Variants in SEMA5A observed in about 807,000 individuals in gnomAD.
SEMA5A encodes semaphorin-5A.
SEMA5A carries 55 observed loss-of-function variants against 135.5 expected under a neutral mutation model. The observed-to-expected ratio is 0.41, with a 90% confidence interval of 0.33 to 0.51. SEMA5A has a LOEUF of 0.51. Ranked by LOEUF, SEMA5A falls within the 20% of genes least tolerant of loss-of-function variation. The pLI, the probability that SEMA5A is intolerant of heterozygous loss-of-function variation, is 0.37. For synonymous variants in SEMA5A, 580 were observed against 546.5 expected, an observed-to-expected ratio of 1.06 and a Z score of -0.85; for missense variants, 1,290 against 1,419.9, an observed-to-expected ratio of 0.91 and a Z score of 1.47.
intron 5 of SEMA5A, among the ~76,000 whole-genome samples, chr5:9,267,411 A>G (rs1473735240): frequency 2.6e-5 from 4 of 152,138 alleles, no homozygotes; most frequent in Non-Finnish European, 5.9e-5. Context: ...ACTTTACTTT[A>G]GGAAGTTCTT....
At chr5:9,201,377 C>T (rs1340479686) in intron 9 of SEMA5A, among the ~76,000 whole-genome samples, 1 of 152,126 alleles carries the variant, frequency 6.6e-6, no homozygotes, top group South Asian at 2.1e-4. Flanking sequence ...CCCTGTCCCA[C>T]CCCCAGACAA....
At chr5:9,485,407 G>A (rs1181165034) in intron 1 of SEMA5A, among the ~76,000 whole-genome samples, 2 of 152,182 alleles carry the variant, frequency 1.3e-5, no homozygotes, top group African/African-American at 4.8e-5. Context: ...TGCAGCCTCA[G>A]AAATGAACTA....
At chr5:9,518,131 A>T (rs1323213841) in intron 1 of SEMA5A, 2 of 152,232 alleles carry the variant, frequency 1.3e-5, no homozygotes, top group Non-Finnish European at 2.9e-5. Context: ...TTCCCCAAGA[A>T]GAGCTGGATC....
In SEMA5A at chr5:9,337,817, A is replaced by G; in HGVS notation, c.125-5T>C. On this transcript the variant is annotated splice_polypyrimidine_tract_variant and splice_region_variant and intron_variant, in intron 3 of 22. Coordinates refer to ENST00000382496, the MANE Select transcript of SEMA5A (RefSeq NM_003966.3). ...CCCGTAACCAGGGGCCAATTTCTAA[A>G]TAGAAAAAATAAATAAATAAAAAGA... 6.4e-7 allele frequency: 1 copy of G among 1,565,890 alleles called. No homozygotes were observed. The highest frequency in any genetic ancestry group is 8.7e-7 in the Non-Finnish European group (1 of 1,144,472).
chr5:9,234,740 A>G (rs927004925), intron 6 of SEMA5A, among the ~76,000 whole-genome samples: 3 of 152,238 alleles, frequency 2.0e-5, no homozygotes, highest in African/African-American at 7.2e-5. Context: ...ATTAATAATT[A>G]CTAAGATTTC....
At chr5:9,381,067 G>A (rs1755585617) in intron 2 of SEMA5A, among the ~76,000 whole-genome samples, 1 of 152,160 alleles carries the variant, frequency 6.6e-6, no homozygotes, top group South Asian at 2.1e-4. Flanking sequence ...TTACAGAGTA[G>A]GTTAAGATAT....
At chr5:9,095,481 T>G (rs943826719) in intron 16 of SEMA5A, among the ~76,000 whole-genome samples, 1 of 152,214 alleles carries the variant, frequency 6.6e-6, no homozygotes, top group African/African-American at 2.4e-5. Context: ...AGGCTCCAGT[T>G]CTTAAAAACT....
chr5:9,381,361 G>C (rs577848327), intron 2 of SEMA5A, among the ~76,000 whole-genome samples: 2 of 152,194 alleles, frequency 1.3e-5, no homozygotes, highest in African/African-American at 4.8e-5. Flanking sequence ...CGGCAAATTA[G>C]AGATGGCCAC....
chr5:9,205,138 A>G (rs1418310732), intron 8 of SEMA5A, among the ~76,000 whole-genome samples: 2 of 152,178 alleles, frequency 1.3e-5, no homozygotes, highest in Non-Finnish European at 2.9e-5. Context: ...AATATTCAAC[A>G]GGATTTGATT....
intron 2 of SEMA5A, among the ~76,000 whole-genome samples, chr5:9,410,981 CTT>C (rs57301427): frequency 0.092 from 13,358 of 145,684 alleles, 674 homozygotes; most frequent in Non-Finnish European, 0.11. Context: ...TCCATCTGGA[CTT>C]TTTTTTTTTT....
Position 9,039,958 on chromosome 5 carries a change from G to A in SEMA5A, c.*2939C>T, listed in dbSNP as rs1735871312. The A allele has an allele frequency of 6.6e-6, 1 of 152,122 alleles. No individual in the cohort carries two copies. Among genetic ancestry groups the A allele is most frequent in the African/African-American group, 2.4e-5 (1 of 41,412 alleles). The allele number at this position is 152,122 out of a possible 1,614,324, so 9.4% of individuals were successfully genotyped here. A position where few individuals can be genotyped will look rare whatever the true frequency, so the allele number is the denominator to read the frequency against. On this transcript the variant is annotated 3_prime_UTR_variant, in exon 23 of 23. Transcript: ENST00000382496. The stretch of plus-strand genomic sequence containing the variant: ...CAAGAAAGGACCCTGAATAGCACTG[G>A]GAGCCACTTTCAAAGAATTTAAATG...
intron 16 of SEMA5A, among the ~76,000 whole-genome samples, chr5:9,080,211 T>C (rs1476121025): frequency 6.6e-6 from 1 of 152,118 alleles, no homozygotes; most frequent in African/African-American, 2.4e-5. Context: ...CGGAATACTA[T>C]GCAGCCATAA....
At chr5:9,536,126 C>T (rs1737750646) in intron 1 of SEMA5A, among the ~76,000 whole-genome samples, 1 of 152,164 alleles carries the variant, frequency 6.6e-6, no homozygotes, top group South Asian at 2.1e-4. Context: ...GGTGCACCCA[C>T]TTTTACATGG....
In SEMA5A at chr5:9,122,669, C is replaced by T. The variant is rs201518183; in HGVS notation, c.1768G>A (p.Ala590Thr). The change falls in exon 14 of 23, where the codon GCC becomes ACC. Residue 590 changes from alanine (A) to threonine (T), a missense_variant. Ala to Thr is a moderately conservative substitution (Grantham distance 58). Coordinates refer to ENST00000382496, the MANE Select transcript of SEMA5A (RefSeq NM_003966.3). ...WQCEGPGMEI[A>T]NCSRNGGWTP... is the part of the protein sequence containing the mutation. ...TGAGCGGCACACCTGGAACAGTTGG[C>T]GATCTCCATGCCAGGGCCCTCGCAC... 6.8e-5 allele frequency: 108 copies of T among 1,599,700 alleles called. No homozygotes were observed. The Middle Eastern group carries it at 1.0e-3, about 15-fold the overall frequency.
chr5:9,320,196 T>G (rs1206756234), intron 4 of SEMA5A, among the ~76,000 whole-genome samples: 1 of 152,096 alleles, frequency 6.6e-6, no homozygotes. Context: ...CTTTCCACCT[T>G]TCAAATCTCA....
At chr5:9,290,207 C>T (rs1000363404) in intron 5 of SEMA5A, among the ~76,000 whole-genome samples, 1 of 152,146 alleles carries the variant, frequency 6.6e-6, no homozygotes, top group Non-Finnish European at 1.5e-5. Context: ...CACCCCCTCC[C>T]ACCCTTTCCT....
chr5:9,438,154 C>A (rs1427363631), intron 1 of SEMA5A, among the ~76,000 whole-genome samples: 1 of 152,182 alleles, frequency 6.6e-6, no homozygotes, highest in Non-Finnish European at 1.5e-5. Context: ...TCAAAATTAT[C>A]TTAACCAGTC....
At chr5:9,342,873 C>G (rs896886215) in intron 3 of SEMA5A, among the ~76,000 whole-genome samples, 3 of 152,164 alleles carry the variant, frequency 2.0e-5, no homozygotes, top group Admixed American at 6.5e-5. Context: ...CAAACCCAAC[C>G]AGCATAGTTT....
chr5:9,108,380 C>A, intron 15 of SEMA5A, 93 bp from the exon 16 acceptor site: 3 of 1,438,672 alleles, frequency 2.1e-6, no homozygotes, highest in South Asian at 1.2e-5. Context: ...AGATGTTGAA[C>A]ACATGGGCAT....
Sources: allele counts gnomAD v4.1 joint callset (sites outside exome capture counted in the v4.1 genomes callset), GRCh38; gene constraint gnomAD v4.1.1; transcripts MANE v1.5; gene names NCBI Gene and HGNC (gene_info 2026-07-23, HGNC 2026-07-21).